NTM: variants seen among roughly 807,000 people sequenced by gnomAD.
NTM encodes the protein neurotrimin, also known as IgLON family member 2.
A neutral mutation model predicts 42.1 loss-of-function variants in NTM; 13 were observed. The ratio of observed to expected loss-of-function variants is 0.31; its 90% CI spans 0.20 to 0.49. The LOEUF is 0.49. NTM is among the 20% of genes least tolerant of loss of function. The pLI is 0.99. For missense variants in NTM, 373 were observed against 452.8 expected (o/e 0.82, Z 1.60); for synonymous variants, 187 against 179.2 (o/e 1.04, Z -0.35).
intron 7 of NTM, among the ~76,000 whole-genome samples, chr11:132,320,628 T>G (rs1258919978): frequency 3.3e-5 from 5 of 152,104 alleles, no homozygotes; most frequent in East Asian, 1.9e-4. Context: ...CAGGCTTGCT[T>G]AGGTAAACAA....
chr11:131,854,083 T>C (rs1186414268), intron 1 of NTM, among the ~76,000 whole-genome samples: 1 of 152,232 alleles, frequency 6.6e-6, no homozygotes, highest in Non-Finnish European at 1.5e-5. Flanking sequence ...CAATTCTACT[T>C]ACTACCCTCA....
At chr11:131,378,204 G>A (rs931857059) in intron 1 of NTM, among the ~76,000 whole-genome samples, 1 of 152,214 alleles carries the variant, frequency 6.6e-6, no homozygotes, top group Non-Finnish European at 1.5e-5. Context: ...AGGTTGAAAA[G>A]TGTACCTCTA....
At chr11:131,652,917 C>A (rs532906709) in intron 1 of NTM, among the ~76,000 whole-genome samples, 3 of 152,230 alleles carry the variant, frequency 2.0e-5, no homozygotes, top group Non-Finnish European at 2.9e-5. Flanking sequence ...ATGCAACCTG[C>A]ACAATTGCCT....
chr11:132,224,418 G>A (rs574125811), intron 4 of NTM, among the ~76,000 whole-genome samples: 1 of 152,170 alleles, frequency 6.6e-6, no homozygotes, highest in South Asian at 2.1e-4. Flanking sequence ...TTCTCTAGGG[G>A]AATGAATGGG....
intron 1 of NTM, among the ~76,000 whole-genome samples, chr11:131,565,726 C>A (rs1438232830): frequency 6.6e-6 from 1 of 152,188 alleles, no homozygotes; most frequent in Non-Finnish European, 1.5e-5. Context: ...GAGAAATCTG[C>A]AAAGGGCCCT....
rs554762816 is a variant in NTM, at chr11:131,599,356, C to T, written c.82+228468C>T. On this transcript the variant is annotated intron_variant, in intron 1 of 8. Coordinates refer to ENST00000683400, the MANE Select transcript of NTM (RefSeq NM_001352005.2). ...GATGCCCTGTCTACCCAGTCTCCGG[C>T]AGATGCCCTGTCTACCCAGTCTCCG... 2.0e-5 allele frequency among the ~76,000 whole-genome samples: 3 copies of T among 152,242 alleles called. No homozygotes were observed. The South Asian group carries it at 6.2e-4, about 32-fold the overall frequency.
chr11:131,471,133 A>C (rs1386231588), intron 1 of NTM, among the ~76,000 whole-genome samples: 2 of 152,232 alleles, frequency 1.3e-5, no homozygotes, highest in Admixed American at 1.3e-4. Context: ...TTATTCATAC[A>C]TGAGTATTGT....
At chr11:131,917,908 A>C (rs143483056) in intron 2 of NTM, among the ~76,000 whole-genome samples, 1 of 152,356 alleles carries the variant, frequency 6.6e-6, no homozygotes, top group African/African-American at 2.4e-5. Context: ...TAAAAACTCA[A>C]CCAAACATAG....
At chr11:132,271,486 T>C (rs967853488) in intron 4 of NTM, among the ~76,000 whole-genome samples, 1 of 152,196 alleles carries the variant, frequency 6.6e-6, no homozygotes, top group African/African-American at 2.4e-5. Context: ...TTTTGCAAAG[T>C]TGCTGTACCA....
At chr11:131,371,484 G>GAAGC (rs1352816146) in intron 1 of NTM, among the ~76,000 whole-genome samples, 1 of 152,180 alleles carries the variant, frequency 6.6e-6, no homozygotes, top group Non-Finnish European at 1.5e-5. Flanking sequence ...GGCTGGGGTC[G>GAAGC]GAGGTGTGGA....
chr11:131,380,732 G>A (rs1287435105), intron 1 of NTM, among the ~76,000 whole-genome samples: 1 of 152,124 alleles, frequency 6.6e-6, no homozygotes, highest in East Asian at 1.9e-4. Context: ...ATGGATGAAA[G>A]GAAGGGAGGA....
intron 1 of NTM, among the ~76,000 whole-genome samples, chr11:131,812,326 G>T (rs948885): frequency 0.77 from 117,528 of 151,800 alleles, 46,304 homozygotes; most frequent in African/African-American, 0.91. Context: ...GGGGAATTGA[G>T]GTATCCTTTC....
chr11:131,968,535 A>G (rs1462281727), intron 2 of NTM, among the ~76,000 whole-genome samples: 2 of 152,124 alleles, frequency 1.3e-5, no homozygotes, highest in African/African-American at 4.8e-5. Context: ...ATACAAAGGG[A>G]TGCCCATTTC....
intron 2 of NTM, among the ~76,000 whole-genome samples, chr11:131,975,123 G>C (rs2064121017): frequency 6.6e-6 from 1 of 151,974 alleles, no homozygotes; most frequent in Admixed American, 6.6e-5. Context: ...TAGTTTCCTT[G>C]TTTTTCTTTC....
intron 1 of NTM, among the ~76,000 whole-genome samples, chr11:131,816,697 A>G (rs7107935): frequency 0.036 from 5,460 of 152,130 alleles, 322 homozygotes; most frequent in African/African-American, 0.13. Context: ...CAGCCATACC[A>G]AATTTGAGGT....
At chr11:131,710,337 C>T (rs565453741) in intron 1 of NTM, among the ~76,000 whole-genome samples, 2 of 152,122 alleles carry the variant, frequency 1.3e-5, no homozygotes, top group African/African-American at 4.8e-5. Context: ...GTATGCAGTG[C>T]ATAACACCAA....
In NTM at chr11:131,527,475, A is replaced by C. The variant is rs566909289; in HGVS notation, c.82+156587A>C. 7.2e-4 allele frequency among the ~76,000 whole-genome samples: 110 copies of C among 152,260 alleles called. 1 individual carries two copies. The highest frequency in any genetic ancestry group is 2.4e-3 in the African/African-American group (101 of 41,554). ...CCATTTCCCAAATTAGTTTCCTGGC[A>C]TACTCTTACCTGGATGGATTACACT... On this transcript the variant is annotated intron_variant, in intron 1 of 8. Coordinates refer to ENST00000683400, the MANE Select transcript of NTM (RefSeq NM_001352005.2).
chr11:131,897,833 G>C (rs1175763910), intron 1 of NTM, among the ~76,000 whole-genome samples: 1 of 152,170 alleles, frequency 6.6e-6, no homozygotes, highest in East Asian at 1.9e-4. Flanking sequence ...TGAGGGGAGA[G>C]TTTTTAAAAG....
intron 4 of NTM, among the ~76,000 whole-genome samples, chr11:132,270,339 C>T (rs2093417872): frequency 6.6e-6 from 1 of 151,860 alleles, no homozygotes; most frequent in African/African-American, 2.4e-5. Context: ...TCAAGCGATT[C>T]TCTCACCTCA....
Sources: allele counts gnomAD v4.1 joint callset (sites outside exome capture counted in the v4.1 genomes callset), GRCh38; gene constraint gnomAD v4.1.1; transcripts MANE v1.5; gene names NCBI Gene and HGNC (gene_info 2026-07-23, HGNC 2026-07-21).